The following CLPB variants were observed in gnomAD, a reference collection of about 807,000 sequenced individuals.
CLPB encodes the protein ClpB family mitochondrial disaggregase, also known as mitochondrial disaggregase.
Under a neutral mutation model 78.4 loss-of-function variants are expected in CLPB, and 40 were observed. That is an observed-to-expected ratio of 0.51 (90% CI 0.40 to 0.66). The LOEUF is 0.66. Ranked by LOEUF, CLPB falls within the 30% of genes least tolerant of loss-of-function variation. The probability of loss-of-function intolerance (pLI) is 0.00; values close to 1 mark genes in which losing one functional copy is unlikely to be tolerated. For missense variants in CLPB, 780 were observed against 886.9 expected, an observed-to-expected ratio of 0.88 and a Z score of 1.53; for synonymous variants, 333 against 348.0, an observed-to-expected ratio of 0.96 and a Z score of 0.48.
intron 3 of CLPB, among the ~76,000 whole-genome samples, chr11:72,389,890 G>C (rs1855194982): frequency 6.6e-6 from 1 of 151,556 alleles, no homozygotes; most frequent in Non-Finnish European, 1.5e-5. Flanking sequence ...TCTAGCCTGG[G>C]CAGGAAAAAA....
rs1254150278 is a variant in CLPB at position 72,292,062 on chromosome 11, AAAAG to A, written c.*1301_*1304del. On this transcript the variant is annotated 3_prime_UTR_variant, in exon 16 of 16. Transcript: ENST00000538039. ...TGTCTCAAAAAAAAAAAAAAAAAAA[AAAAG>A]GCAGTCAGTGAGGTAGGGAGCAGCA... is the stretch of plus-strand genomic sequence containing the variant. 2 of 152,444 alleles carry A rather than the reference AAAAG, an allele frequency of 1.3e-5. No individual in the cohort carries two copies. Among genetic ancestry groups the A allele is most frequent in the East Asian group, 1.9e-4 (1 of 5,186 alleles). The allele number at this position is 152,444 out of a possible 1,614,324, so 9.4% of individuals were successfully genotyped here.
intron 3 of CLPB, among the ~76,000 whole-genome samples, chr11:72,389,623 T>C (rs1025611930): frequency 6.6e-6 from 1 of 152,182 alleles, no homozygotes; most frequent in African/African-American, 2.4e-5. Flanking sequence ...GGGCAAAGGC[T>C]TAAGAATATC....
chr11:72,434,444 C>A lies in CLPB; in HGVS notation c.31G>T (p.Ala11Ser). 1 of 1,570,982 alleles carries A rather than the reference C, an allele frequency of 6.4e-7. No homozygotes were observed. Residue 11 changes from alanine to serine, a missense_variant, in exon 1 of 16, where the codon GCA becomes TCA. Transcript: ENST00000538039. Reference sequence around the variant, plus strand: ...CGGAGGAGTAGCCGTGGCGCCAGTGCTTTTCTCCTCAACACCAGGGACCCC... The same window carrying A: ...CGGAGGAGTAGCCGTGGCGCCAGTGATTTTCTCCTCAACACCAGGGACCCC... Reference protein sequence around the residue: MLGSLVLRRKALAPRLLLRLL... With the variant: MLGSLVLRRKSLAPRLLLRLL...
chr11:72,401,238 T>C (rs982483227), intron 3 of CLPB, among the ~76,000 whole-genome samples: 1 of 151,986 alleles, frequency 6.6e-6, no homozygotes, highest in African/African-American at 2.4e-5. Context: ...AGGAGATCGA[T>C]ACCATTCTGG....
chr11:72,398,298 C>A (rs1855465994), intron 3 of CLPB, among the ~76,000 whole-genome samples: 1 of 152,172 alleles, frequency 6.6e-6, no homozygotes, highest in Admixed American at 6.5e-5. Flanking sequence ...AGGAGCTTCC[C>A]CAAGGGGGTC....
At position 72,312,667 on chromosome 11, in the gene CLPB, G is replaced by A. The variant is rs1218958368; in HGVS notation, c.989-4063C>T. 6.6e-6 allele frequency among the ~76,000 whole-genome samples: 1 copy of A among 152,196 alleles called. No homozygotes were observed. Among genetic ancestry groups the A allele is most frequent in the Admixed American group, 6.5e-5 (1 of 15,288 alleles). ...AAGGCCTAGACTTGAGTCTCTTAGT[G>A]CCCCAGGTAGTTACTACCACTCTTG... On this transcript the variant is annotated intron_variant, in intron 7 of 15. Coordinates refer to ENST00000538039, the MANE Select transcript of CLPB (RefSeq NM_001258392.3). This position sits in a 1 kb window ranked among gnomAD's most constrained non-coding sequence, Gnocchi z 4.2.
In CLPB at chr11:72,377,681, G is replaced by T. The variant is rs1854755867; in HGVS notation, c.646+2600C>A. ...AAGGGAAGGGGAAGGGAAGGGGAAG[G>T]GAAGGGGAAGGGAAAGGGAAGGGGA... On this transcript the variant is annotated intron_variant, in intron 4 of 15. Transcript: ENST00000538039. 1.3e-5 allele frequency among the ~76,000 whole-genome samples: 2 copies of T among 151,230 alleles called. 1 individual carries two copies. Among genetic ancestry groups the T allele is most frequent in the South Asian group, 4.2e-4 (2 of 4,766 alleles).
chr11:72,399,153 T>C (rs1040154981), intron 3 of CLPB, among the ~76,000 whole-genome samples: 1 of 151,602 alleles, frequency 6.6e-6, no homozygotes, highest in Admixed American at 6.6e-5. Context: ...TCTAAATTAA[T>C]ACTCAATTTC....
chr11:72,297,636 GGTGTGT>G (rs67807556), intron 11 of CLPB, among the ~76,000 whole-genome samples: 5,230 of 93,092 alleles, frequency 0.056, 199 homozygotes, highest in Non-Finnish European at 0.073. Flanking sequence ...TTGGGGACCA[GGTGTGT>G]GTGTGTGTGT....
chr11:72,310,590 G>A (rs2135516334), intron 7 of CLPB, among the ~76,000 whole-genome samples: 1 of 152,350 alleles, frequency 6.6e-6, no homozygotes, highest in Admixed American at 6.5e-5. Flanking sequence ...TGTGAATACT[G>A]TGTGGACATG....
chr11:72,399,233 A>G (rs1194155995), intron 3 of CLPB, among the ~76,000 whole-genome samples: 1 of 151,992 alleles, frequency 6.6e-6, no homozygotes, highest in East Asian at 1.9e-4. Flanking sequence ...AAACATATAT[A>G]TAACAATCAA....
chr11:72,407,106 A>T (rs1455148417), intron 2 of CLPB, among the ~76,000 whole-genome samples: 2 of 152,208 alleles, frequency 1.3e-5, no homozygotes, highest in East Asian at 3.9e-4. Context: ...CCAGCCACCA[A>T]AAACAATGCT....
chr11:72,432,309 C>G (rs942126819), intron 1 of CLPB, among the ~76,000 whole-genome samples: 1 of 152,162 alleles, frequency 6.6e-6, no homozygotes, highest in African/African-American at 2.4e-5. Context: ...TCTAGGTATT[C>G]GGGAAAGTTG....
chr11:72,363,908 C>T (rs1310033201), intron 4 of CLPB, among the ~76,000 whole-genome samples: 1 of 152,214 alleles, frequency 6.6e-6, no homozygotes, highest in Non-Finnish European at 1.5e-5. Context: ...GAAGAAGCCT[C>T]TGGCCTCTCA....
At chr11:72,369,578 G>C (rs1337949058) in intron 4 of CLPB, among the ~76,000 whole-genome samples, 1 of 152,148 alleles carries the variant, frequency 6.6e-6, no homozygotes, top group Non-Finnish European at 1.5e-5. Context: ...CTCTACACCT[G>C]CTTGCCTCTC....
chr11:72,384,602 T>C (rs545329998), intron 3 of CLPB, among the ~76,000 whole-genome samples: 5 of 152,260 alleles, frequency 3.3e-5, no homozygotes, highest in African/African-American at 1.2e-4. Flanking sequence ...GCCTTGAATG[T>C]AAATGGATTA....
chr11:72,391,626 G>A (rs904989293), intron 3 of CLPB, among the ~76,000 whole-genome samples: 3 of 152,206 alleles, frequency 2.0e-5, no homozygotes, highest in African/African-American at 4.8e-5. Flanking sequence ...TCTCTGCCCT[G>A]CTCAGCCTTC....
At chr11:72,344,969 A>C (rs903526366) in intron 5 of CLPB, among the ~76,000 whole-genome samples, 4 of 152,196 alleles carry the variant, frequency 2.6e-5, no homozygotes, top group Admixed American at 2.6e-4. Flanking sequence ...TCAAACTAAA[A>C]TTACAATGAG....
In CLPB at chr11:72,293,321, G is replaced by A; in HGVS notation, c.*46C>T. 6.3e-7 allele frequency: 1 copy of A among 1,595,550 alleles called. No homozygotes were observed. Among genetic ancestry groups the A allele is most frequent in the South Asian group, 1.1e-5 (1 of 88,730 alleles). On this transcript the variant is annotated 3_prime_UTR_variant, in exon 16 of 16. Coordinates refer to ENST00000538039, the MANE Select transcript of CLPB (RefSeq NM_001258392.3). ...GTCAGTTGCCATGCCACAGCCAAGG[G>A]GCCTTTATTGGATGGTGAGGGCACA...
Sources: allele counts gnomAD v4.1 joint callset (sites outside exome capture counted in the v4.1 genomes callset), GRCh38; gene constraint gnomAD v4.1.1; non-coding constraint Gnocchi (gnomAD v3.1); transcripts MANE v1.5; gene names NCBI Gene and HGNC (gene_info 2026-07-23, HGNC 2026-07-21).